LRRC4C: variants seen among roughly 807,000 people sequenced by gnomAD.
The protein encoded by LRRC4C is leucine rich repeat containing 4C.
Under a neutral mutation model 33.6 loss-of-function variants are expected in LRRC4C, and 5 were observed. The ratio of observed to expected loss-of-function variants is 0.15; its 90% CI spans 0.08 to 0.31. The LOEUF is 0.31. Ranked by LOEUF, LRRC4C falls within the 10% of genes least tolerant of loss-of-function variation. The probability of loss-of-function intolerance (pLI) is 1.00; values close to 1 mark genes in which losing one functional copy is unlikely to be tolerated. For missense variants in LRRC4C, 560 were observed against 796.7 expected (o/e 0.70, Z 3.58); for synonymous variants, 329 against 302.0 (o/e 1.09, Z -0.93).
At chr11:40,379,822 G>A (rs1948794670) in intron 3 of LRRC4C, among the ~76,000 whole-genome samples, 1 of 152,102 alleles carries the variant, frequency 6.6e-6, no homozygotes. Context: ...AATTGTGGTT[G>A]TGGGCCCGCA....
chr11:40,541,611 T>G (rs1956711716), intron 3 of LRRC4C, among the ~76,000 whole-genome samples: 1 of 152,140 alleles, frequency 6.6e-6, no homozygotes, highest in East Asian at 1.9e-4. Flanking sequence ...AAAGGCTAGC[T>G]AGTTGCATCC....
Position 41,337,957 on chromosome 11 carries a change from G to T in LRRC4C, c.-496+121474C>A, listed in dbSNP as rs571875678. Among the ~76,000 whole-genome samples, 3 of 152,160 alleles carry T rather than the reference G, an allele frequency of 2.0e-5. No homozygotes were observed. The South Asian group carries it at 6.2e-4, about 32-fold the overall frequency. ...AAAAGCTCAACATGACTGATCATTA[G>T]AGAAATGCAAATCAAAACCACAATG... On this transcript the variant is annotated intron_variant, in intron 1 of 6. Coordinates refer to ENST00000528697, the MANE Select transcript of LRRC4C (RefSeq NM_001258419.2).
Position 41,300,123 on chromosome 11 carries a change from A to G in LRRC4C, c.-496+159308T>C, listed in dbSNP as rs528983269. ...AATGTAGTCACAGTGAGATTGGGAT[A>G]ACATTATCAGTTTGAACTCAGCATT... On this transcript the variant is annotated intron_variant, in intron 1 of 6. Coordinates refer to ENST00000528697, the MANE Select transcript of LRRC4C (RefSeq NM_001258419.2). 5.9e-5 allele frequency among the ~76,000 whole-genome samples: 9 copies of G among 152,324 alleles called. No homozygotes were observed. The East Asian group carries it at 1.7e-3, about 29-fold the overall frequency.
At chr11:41,093,927 CAAAAAAAAAAA>C (rs56173087) in intron 1 of LRRC4C, among the ~76,000 whole-genome samples, 1 of 58,994 alleles carries the variant, frequency 1.7e-5, no homozygotes, top group Non-Finnish European at 3.1e-5. Flanking sequence ...CCGTCTCCAC[CAAAAAAAAAAA>C]AAAAAAAAAA....
intron 1 of LRRC4C, among the ~76,000 whole-genome samples, chr11:41,065,946 A>G (rs1471499619): frequency 6.6e-6 from 1 of 152,220 alleles, no homozygotes; most frequent in Non-Finnish European, 1.5e-5. Context: ...ATAAATCCAC[A>G]AAGATGAGGA....
intron 1 of LRRC4C, among the ~76,000 whole-genome samples, chr11:41,119,351 G>A (rs1236765672): frequency 1.3e-5 from 2 of 152,166 alleles, no homozygotes; most frequent in East Asian, 3.9e-4. Flanking sequence ...CACAGCTAGT[G>A]AGTGGAGAAG....
At chr11:40,941,917 C>T (rs1958166015) in intron 1 of LRRC4C, among the ~76,000 whole-genome samples, 1 of 151,982 alleles carries the variant, frequency 6.6e-6, no homozygotes, top group Non-Finnish European at 1.5e-5. Flanking sequence ...ATTATTATAG[C>T]TATGTTAGTT....
At chr11:41,364,386 C>A (rs1189620491) in intron 1 of LRRC4C, among the ~76,000 whole-genome samples, 4 of 152,134 alleles carry the variant, frequency 2.6e-5, no homozygotes, top group African/African-American at 9.7e-5. Flanking sequence ...TCAAGCGATT[C>A]TCCTGCCTCA....
At chr11:40,793,235 A>G (rs1950698798) in intron 2 of LRRC4C, among the ~76,000 whole-genome samples, 1 of 152,190 alleles carries the variant, frequency 6.6e-6, no homozygotes, top group Non-Finnish European at 1.5e-5. Context: ...AAATATTAAG[A>G]AAATAATTTA....
intron 3 of LRRC4C, among the ~76,000 whole-genome samples, chr11:40,415,434 T>G (rs974592178): frequency 6.6e-6 from 1 of 152,146 alleles, no homozygotes; most frequent in African/African-American, 2.4e-5. Flanking sequence ...TGTCCACCCT[T>G]CCTTGCTGCC....
intron 1 of LRRC4C, among the ~76,000 whole-genome samples, chr11:40,976,141 G>A (rs527364998): frequency 6.6e-6 from 1 of 152,114 alleles, no homozygotes; most frequent in Non-Finnish European, 1.5e-5. Context: ...ACATTATACT[G>A]CGTATGCACT....
intron 3 of LRRC4C, among the ~76,000 whole-genome samples, chr11:40,325,809 A>G (rs962551230): frequency 6.6e-6 from 1 of 152,172 alleles, no homozygotes; most frequent in African/African-American, 2.4e-5. Context: ...GGGTGATAAA[A>G]TAAATAGCCT....
chr11:40,721,838 G>A (rs1046624709), intron 2 of LRRC4C, among the ~76,000 whole-genome samples: 8 of 152,194 alleles, frequency 5.3e-5, no homozygotes, highest in African/African-American at 1.7e-4. Flanking sequence ...CTACACCGGA[G>A]GCTGAGGCAG....
At chr11:40,820,661 T>TA (rs1951894471) in intron 2 of LRRC4C, among the ~76,000 whole-genome samples, 1 of 151,920 alleles carries the variant, frequency 6.6e-6, no homozygotes, top group South Asian at 2.1e-4. Context: ...TTTTAAAAAT[T>TA]ATCAGAAAAC....
intron 3 of LRRC4C, among the ~76,000 whole-genome samples, chr11:40,348,027 A>C (rs1339851810): frequency 1.3e-5 from 2 of 152,234 alleles, no homozygotes; most frequent in East Asian, 3.8e-4. Flanking sequence ...TTGTTGCAGC[A>C]GTCAGAACAC....
At chr11:41,404,514 ACAC>A in intron 1 of LRRC4C, among the ~76,000 whole-genome samples, 1 of 126,866 alleles carries the variant, frequency 7.9e-6, no homozygotes, top group East Asian at 2.6e-4. Flanking sequence ...ACAGACACAC[ACAC>A]AGACACAAAG....
chr11:40,727,572 C>T (rs184474617), intron 2 of LRRC4C, among the ~76,000 whole-genome samples: 210 of 152,148 alleles, frequency 1.4e-3, no homozygotes, highest in African/African-American at 3.5e-3. Context: ...ATTAAACTAA[C>T]GAGCTTCTGC....
intron 3 of LRRC4C, among the ~76,000 whole-genome samples, chr11:40,607,794 C>T (rs1464755321): frequency 3.3e-5 from 5 of 152,108 alleles, no homozygotes; most frequent in African/African-American, 1.2e-4. Context: ...AGCCACCTGC[C>T]GATTGCTAAG....
chr11:40,503,443 T>A (rs918311936), intron 3 of LRRC4C, among the ~76,000 whole-genome samples: 1 of 152,196 alleles, frequency 6.6e-6, no homozygotes, highest in Non-Finnish European at 1.5e-5. Flanking sequence ...TCCTTAAACA[T>A]ACTGTCTAAC....
Sources: gnomAD v4.1 joint callset for allele counts (sites outside exome capture counted in the v4.1 genomes callset) on GRCh38, gnomAD v4.1.1 for gene constraint, MANE v1.5 for transcripts, NCBI Gene and HGNC (gene_info 2026-07-23, HGNC 2026-07-21) for gene names.